SORCS1: variants seen among roughly 807,000 people sequenced by gnomAD.
SORCS1 encodes the protein VPS10 domain-containing receptor SorCS1.
SORCS1 carries 60 observed loss-of-function variants against 146.1 expected under a neutral mutation model. The observed-to-expected ratio is 0.41, with a 90% CI of 0.33 to 0.51. The LOEUF (loss-of-function observed/expected upper bound fraction) is 0.51, where lower values mean the gene tolerates loss of function less well. Ranked by LOEUF, SORCS1 falls within the 20% of genes least tolerant of loss-of-function variation. SORCS1 has a pLI of 0.21. For synonymous variants in SORCS1, 637 were observed against 584.0 expected (o/e 1.09, Z -1.31); for missense variants, 1,352 against 1,487.6 (o/e 0.91, Z 1.50).
chr10:107,006,731 G>C (rs1324907893), intron 1 of SORCS1, among the ~76,000 whole-genome samples: 2 of 152,154 alleles, frequency 1.3e-5, no homozygotes, highest in Non-Finnish European at 2.9e-5. Flanking sequence ...GCAGGAGAAC[G>C]GCGTGAACCT....
chr10:107,132,867 AT>A (rs199698219), intron 1 of SORCS1, among the ~76,000 whole-genome samples: 14 of 150,468 alleles, frequency 9.3e-5, no homozygotes, highest in South Asian at 6.3e-4. Context: ...ATAAAAAAAA[AT>A]AAAAAACGAG....
chr10:107,097,425 G>C (rs12355883), intron 1 of SORCS1, among the ~76,000 whole-genome samples: 52,572 of 151,950 alleles, frequency 0.35, 9,454 homozygotes, highest in Middle Eastern at 0.49. Context: ...TACTTTCCAT[G>C]TCCACACTGT....
intron 13 of SORCS1, 49 bp from the exon 14 acceptor site, chr10:106,675,205 A>T: frequency 7.2e-7 from 1 of 1,396,706 alleles, no homozygotes; most frequent in Admixed American, 1.8e-5. Flanking sequence ...GGAAAAAAAA[A>T]TGTCATTTCA....
intron 7 of SORCS1, 114 bp from the exon 8 acceptor site, chr10:106,706,748 G>T (rs946570930): frequency 2.3e-6 from 2 of 888,882 alleles, no homozygotes; most frequent in Admixed American, 2.1e-5. Flanking sequence ...TGGCATTAAT[G>T]TCTATTGCGG....
chr10:106,825,269 C>CTTTTTTTTTTTTTTT (rs35830829), intron 3 of SORCS1, among the ~76,000 whole-genome samples: 1 of 119,190 alleles, frequency 8.4e-6, no homozygotes, highest in Non-Finnish European at 1.7e-5. Context: ...GAGATTTCAA[C>CTTTTTTTTTTTTTTT]TTTTTTTTTT....
intron 23 of SORCS1, among the ~76,000 whole-genome samples, chr10:106,604,623 C>T (rs576220649): frequency 1.3e-5 from 2 of 152,278 alleles, no homozygotes; most frequent in South Asian, 2.1e-4. Flanking sequence ...CTGCATAACT[C>T]GCATGAGCTC....
intron 3 of SORCS1, among the ~76,000 whole-genome samples, chr10:106,816,026 C>G (rs1380502864): frequency 2.0e-5 from 3 of 152,108 alleles, no homozygotes; most frequent in Non-Finnish European, 4.4e-5. Flanking sequence ...ACTCAGAATT[C>G]TTTTTGGGCC....
intron 2 of SORCS1, among the ~76,000 whole-genome samples, chr10:106,844,277 G>A (rs1949206597): frequency 6.6e-6 from 1 of 151,920 alleles, no homozygotes; most frequent in South Asian, 2.1e-4. Context: ...CTTATATATT[G>A]TGATGATTGT....
intron 9 of SORCS1, among the ~76,000 whole-genome samples, chr10:106,692,736 C>T (rs2135685118): frequency 6.6e-6 from 1 of 152,228 alleles, no homozygotes; most frequent in Middle Eastern, 3.4e-3. Flanking sequence ...TGCTCCAAAA[C>T]TTGGAATGTT....
chr10:106,691,014 C>G (rs1301597619), intron 9 of SORCS1, among the ~76,000 whole-genome samples: 1 of 152,112 alleles, frequency 6.6e-6, no homozygotes, highest in Non-Finnish European at 1.5e-5. Flanking sequence ...AGCATTAGTG[C>G]CCCAAATGTG....
chr10:106,674,455 T>C (rs767142812), intron 14 of SORCS1, among the ~76,000 whole-genome samples: 1 of 151,346 alleles, frequency 6.6e-6, no homozygotes, highest in Non-Finnish European at 1.5e-5. Flanking sequence ...ACCTTCCCTT[T>C]CTACTTTCCA....
chr10:107,076,776 T>C (rs977250061), intron 1 of SORCS1, among the ~76,000 whole-genome samples: 4 of 152,160 alleles, frequency 2.6e-5, no homozygotes, highest in African/African-American at 7.2e-5. Flanking sequence ...CCCTGGAGTT[T>C]ACTTTTCTGA....
intron 4 of SORCS1, among the ~76,000 whole-genome samples, chr10:106,775,728 C>G (rs1331333738): frequency 6.6e-6 from 1 of 152,198 alleles, no homozygotes; most frequent in Non-Finnish European, 1.5e-5. Flanking sequence ...CACCAATTAT[C>G]CCTCTGGTTT....
At chr10:107,132,930 C>T (rs1245663040) in intron 1 of SORCS1, among the ~76,000 whole-genome samples, 1 of 152,168 alleles carries the variant, frequency 6.6e-6, no homozygotes. Flanking sequence ...TCCTTTGAAA[C>T]AACAATCACA....
intron 1 of SORCS1, among the ~76,000 whole-genome samples, chr10:107,101,367 A>G (rs1433654994): frequency 1.3e-5 from 2 of 152,180 alleles, no homozygotes; most frequent in Admixed American, 1.3e-4. Context: ...GTTTTGTAGA[A>G]ACATGGTCTC....
At chr10:106,963,023 T>C (rs1297246106) in intron 1 of SORCS1, among the ~76,000 whole-genome samples, 5 of 149,110 alleles carry the variant, frequency 3.4e-5, no homozygotes, top group Non-Finnish European at 7.4e-5. Context: ...GGGAAGAGAA[T>C]AATAAGGAGC....
At chr10:106,887,535 C>T (rs549379313) in intron 2 of SORCS1, among the ~76,000 whole-genome samples, 10 of 152,148 alleles carry the variant, frequency 6.6e-5, no homozygotes, top group South Asian at 2.1e-4. Context: ...GGAGATCACG[C>T]CACTCTACTC....
chr10:107,033,032 G>A (rs547796632), intron 1 of SORCS1, among the ~76,000 whole-genome samples: 2 of 152,158 alleles, frequency 1.3e-5, no homozygotes, highest in Non-Finnish European at 2.9e-5. Flanking sequence ...CCTGAGACTA[G>A]ATAATTTATG....
At chr10:107,133,375 G>T (rs1967013955) in intron 1 of SORCS1, among the ~76,000 whole-genome samples, 1 of 151,966 alleles carries the variant, frequency 6.6e-6, no homozygotes, top group African/African-American at 2.4e-5. Context: ...CATTCCTTCT[G>T]CAGAAAAAAC....
Sources: allele counts gnomAD v4.1 joint callset (sites outside exome capture counted in the v4.1 genomes callset), GRCh38; gene constraint gnomAD v4.1.1; transcripts MANE v1.5; gene names NCBI Gene and HGNC (gene_info 2026-07-23, HGNC 2026-07-21).